Variants in ASTN2 observed in about 807,000 individuals in gnomAD.
ASTN2 encodes astrotactin 2.
Under a neutral mutation model 139.8 loss-of-function variants are expected in ASTN2, and 54 were observed. That is an observed-to-expected ratio of 0.39 (90% confidence interval 0.31 to 0.48). The LOEUF is 0.48. Among genes scored for constraint, ASTN2 ranks in the 20% least tolerant of loss-of-function variants. The probability of loss-of-function intolerance (pLI) is 0.95; values close to 1 mark genes in which losing one functional copy is unlikely to be tolerated. For missense variants in ASTN2, 1,565 were observed against 1,725.1 expected (o/e 0.91, Z 1.64); for synonymous variants, 756 against 719.5 (o/e 1.05, Z -0.81).
At chr9:117,322,319 C>T (rs548703526) in intron 1 of ASTN2, among the ~76,000 whole-genome samples, 1 of 152,324 alleles carries the variant, frequency 6.6e-6, no homozygotes, top group South Asian at 2.1e-4. Context: ...ACACCGTGCC[C>T]TAGCACTGAA....
chr9:116,442,420 G>T, intron 21 of ASTN2, 33 bp downstream of exon 21: 1 of 1,544,044 alleles, frequency 6.5e-7, no homozygotes, highest in Non-Finnish European at 9.0e-7. Context: ...AAATATGGGA[G>T]TTACTTTGGA....
chr9:116,876,612 T>C (rs2132361329), intron 10 of ASTN2, among the ~76,000 whole-genome samples: 1 of 152,288 alleles, frequency 6.6e-6, no homozygotes, highest in African/African-American at 2.4e-5. Context: ...TTTAAGAAAT[T>C]GCCACAGCCA....
chr9:117,370,635 T>A (rs896582163), intron 1 of ASTN2, among the ~76,000 whole-genome samples: 12 of 152,170 alleles, frequency 7.9e-5, no homozygotes, highest in African/African-American at 2.9e-4. Context: ...AATTAAGTAA[T>A]CTGCTTAAGA....
At chr9:117,385,992 G>A (rs979853902) in intron 1 of ASTN2, among the ~76,000 whole-genome samples, 2 of 152,090 alleles carry the variant, frequency 1.3e-5, no homozygotes, top group East Asian at 3.9e-4. Context: ...AGGGGATATG[G>A]TACCTTGCCA....
At chr9:117,084,643 A>C (rs1216144769) in intron 5 of ASTN2, among the ~76,000 whole-genome samples, 2 of 152,220 alleles carry the variant, frequency 1.3e-5, no homozygotes, top group African/African-American at 4.8e-5. Flanking sequence ...CACTTAATAC[A>C]TAGTTGCTAT....
intron 13 of ASTN2, among the ~76,000 whole-genome samples, chr9:116,800,617 C>T (rs1436304936): frequency 6.6e-6 from 1 of 152,170 alleles, no homozygotes; most frequent in African/African-American, 2.4e-5. Context: ...GGATAGAACA[C>T]ATGGCTCTCC....
chr9:116,713,252 A>G (rs1283289137), intron 16 of ASTN2, among the ~76,000 whole-genome samples: 1 of 152,180 alleles, frequency 6.6e-6, no homozygotes, highest in East Asian at 1.9e-4. Context: ...TATTGAATCA[A>G]GATCTCCAAA....
chr9:116,845,250 G>T (rs2132312396), intron 11 of ASTN2, among the ~76,000 whole-genome samples: 1 of 152,296 alleles, frequency 6.6e-6, no homozygotes, highest in African/African-American at 2.4e-5. Context: ...GAGTAGCTGG[G>T]ACTACAGGCG....
At chr9:116,869,080 GA>G (rs2132349647) in intron 10 of ASTN2, among the ~76,000 whole-genome samples, 1 of 152,220 alleles carries the variant, frequency 6.6e-6, no homozygotes, top group Admixed American at 6.5e-5. Context: ...AGCTACTCGG[GA>G]GGCTGAAGCA....
At chr9:117,218,811 C>T (rs1832417450) in intron 2 of ASTN2, among the ~76,000 whole-genome samples, 2 of 152,148 alleles carry the variant, frequency 1.3e-5, no homozygotes, top group Admixed American at 1.3e-4. Flanking sequence ...AAATCTAATG[C>T]TGCACATATA....
intron 11 of ASTN2, among the ~76,000 whole-genome samples, chr9:116,837,175 G>A (rs191970683): frequency 1.3e-5 from 2 of 152,300 alleles, no homozygotes; most frequent in African/African-American, 4.8e-5. Flanking sequence ...GGGGAAGCAG[G>A]CTCTGTGCAT....
chr9:117,094,978 T>C (rs781427758), intron 5 of ASTN2, among the ~76,000 whole-genome samples: 8 of 152,196 alleles, frequency 5.3e-5, no homozygotes, highest in South Asian at 2.1e-4. Flanking sequence ...GTGTCCACTG[T>C]GCATGGATAG....
intron 3 of ASTN2, among the ~76,000 whole-genome samples, chr9:117,212,545 C>T (rs554859968): frequency 7.4e-4 from 113 of 151,794 alleles, no homozygotes; most frequent in Non-Finnish European, 1.4e-3. Context: ...ATACAAGAGA[C>T]TCAAACATTC....
chr9:116,425,999 T>G lies in ASTN2; in HGVS notation c.3872A>C (p.Glu1291Ala), dbSNP rs1288022232. ...GCGGCAGAAAAGATAGGGCACTGTT[T>G]CCACGCGGCTCTGGATGTAGGCACT... ...LRSAYIQSRV[E>A]TVPYLFCRSE... The change falls in exon 23 of 23, where the codon GAA (glutamate) becomes GCA (alanine). Residue 1291 changes from glutamate (E) to alanine (A), a missense_variant. Glu to Ala is a moderately radical substitution (Grantham distance 107). Coordinates refer to ENST00000313400, the MANE Select transcript of ASTN2 (RefSeq NM_001365068.1). 1 of 1,614,140 alleles carries G rather than the reference T, an allele frequency of 6.2e-7. No individual in the cohort carries two copies. The highest frequency in any genetic ancestry group is 1.1e-5 in the South Asian group (1 of 91,072).
intron 3 of ASTN2, among the ~76,000 whole-genome samples, chr9:117,156,593 T>A (rs1258567923): frequency 2.0e-5 from 3 of 152,040 alleles, no homozygotes; most frequent in Admixed American, 2.0e-4. Context: ...AGGTAACAAC[T>A]ATTATTTTAT....
At chr9:116,802,116 T>A (rs1241790375) in intron 13 of ASTN2, among the ~76,000 whole-genome samples, 2 of 140,558 alleles carry the variant, frequency 1.4e-5, no homozygotes, top group Non-Finnish European at 3.0e-5. Flanking sequence ...TGACATGGAG[T>A]CTTGCTCTGT....
At chr9:116,569,503 T>C (rs550733891) in intron 19 of ASTN2, among the ~76,000 whole-genome samples, 6 of 152,352 alleles carry the variant, frequency 3.9e-5, no homozygotes, top group Non-Finnish European at 8.8e-5. Flanking sequence ...AAGTGTTCCT[T>C]CCAGCTCTGC....
chr9:116,973,906 C>T (rs974293294), intron 10 of ASTN2, among the ~76,000 whole-genome samples: 1 of 152,118 alleles, frequency 6.6e-6, no homozygotes, highest in African/African-American at 2.4e-5. Flanking sequence ...ATAAGTTCAT[C>T]CCTCCCAGTG....
At chr9:116,870,023 A>G (rs147418456) in intron 10 of ASTN2, among the ~76,000 whole-genome samples, 4 of 150,646 alleles carry the variant, frequency 2.7e-5, no homozygotes, top group African/African-American at 9.8e-5. Flanking sequence ...AGGTAGGAGG[A>G]TTGCTTGAGC....
Sources: allele counts gnomAD v4.1 joint callset (sites outside exome capture counted in the v4.1 genomes callset), GRCh38; gene constraint gnomAD v4.1.1; transcripts MANE v1.5; gene names NCBI Gene and HGNC (gene_info 2026-07-23, HGNC 2026-07-21).